The following STEEP1 variants were observed in gnomAD, a reference collection of about 807,000 sequenced individuals.
The protein encoded by STEEP1 is STING1 ER exit protein 1, also known as STING ER exit protein.
In STEEP1, 3 loss-of-function variants were observed where a neutral mutation model predicts 19.2. The observed-to-expected ratio is 0.16, with a 90% CI of 0.07 to 0.40. The LOEUF (loss-of-function observed/expected upper bound fraction) is 0.40. Among genes scored for constraint, STEEP1 ranks in the 10% least tolerant of loss-of-function variants. The pLI, the probability that STEEP1 is intolerant of heterozygous loss-of-function variation, is 0.99. For missense variants in STEEP1, 54 were observed against 177.1 expected (o/e 0.30, Z 3.94); for synonymous variants, 46 against 63.7 (o/e 0.72, Z 1.32).
intron 3 of STEEP1, 101 bp from the exon 4 acceptor site, chrX:119,544,592 G>A (rs1569398186): frequency 7.4e-6 from 6 of 809,447 alleles, no homozygotes; most frequent in Non-Finnish European, 8.9e-6. Flanking sequence ...TCTGTTTGTG[G>A]CATAAACTAA....
intron 2 of STEEP1, among the ~76,000 whole-genome samples, chrX:119,554,167 G>A (rs1716602475): frequency 8.9e-6 from 1 of 112,149 alleles, no homozygotes; most frequent in South Asian, 3.7e-4. Flanking sequence ...ATTCTCGGCC[G>A]GGCACGGTGG....
intron 2 of STEEP1, among the ~76,000 whole-genome samples, chrX:119,549,438 T>C (rs1264703606): frequency 8.9e-6 from 1 of 111,859 alleles, no homozygotes. Flanking sequence ...AATAGACACA[T>C]AGAAAAAGCA....
chrX:119,555,246 G>A (rs1285082774), intron 2 of STEEP1, among the ~76,000 whole-genome samples: 1 of 109,478 alleles, frequency 9.1e-6, no homozygotes, highest in East Asian at 2.9e-4. Flanking sequence ...ATAAATGTTT[G>A]TTCTTTAAAA....
At chrX:119,564,482 T>G (rs1603307337) in intron 1 of STEEP1, among the ~76,000 whole-genome samples, 8 of 62,323 alleles carry the variant, frequency 1.3e-4, no homozygotes, top group East Asian at 6.6e-4. Flanking sequence ...GGCAGCAGAG[T>G]GAGACTCCAT....
intron 2 of STEEP1, among the ~76,000 whole-genome samples, chrX:119,559,155 T>C (rs182501076): frequency 1.8e-5 from 2 of 109,152 alleles, no homozygotes; most frequent in African/African-American, 6.7e-5. Context: ...GAGGCGGAGG[T>C]TGCAGTGAGC....
At position 119,539,554 on chromosome X, in the gene STEEP1, AGC is replaced by A; in HGVS notation, c.*171_*172del. On this transcript the variant is annotated 3_prime_UTR_variant, in exon 7 of 7. Transcript: ENST00000644802. ...TCAAAAAAAAAAAAAAAAAAAAGAA[AGC>A]AAGTTAAATGGACTCAGTTAAAGAC... 5 of 370,052 alleles carry A rather than the reference AGC, an allele frequency of 1.4e-5. No individual in the cohort carries two copies. The highest frequency in any genetic ancestry group is 7.7e-4 in the Middle Eastern group (1 of 1,306). 30.5% of individuals were successfully genotyped at this position (370,052 alleles called of 1,213,427 possible).
At chrX:119,565,165 G>A in intron 1 of STEEP1, 67 bp downstream of exon 1, 2 of 1,137,232 alleles carry the variant, frequency 1.8e-6, no homozygotes. Flanking sequence ...ACAGCCAGAG[G>A]AAATTCGCCT....
intron 6 of STEEP1, 98 bp downstream of exon 6, chrX:119,541,230 C>T: frequency 1.8e-6 from 1 of 562,113 alleles, no homozygotes; most frequent in South Asian, 2.5e-5. Flanking sequence ...AACCTCCCAA[C>T]AGATTTCCTA....
At chrX:119,544,615 C>A in intron 3 of STEEP1, 124 bp from the exon 4 acceptor site, 2 of 651,791 alleles carry the variant, frequency 3.1e-6, no homozygotes, top group Non-Finnish European at 4.6e-6. Context: ...ACTGGCTCTT[C>A]TCAGTGTCTC....
At chrX:119,561,686 GA>G (rs752560353) in intron 1 of STEEP1, among the ~76,000 whole-genome samples, 2 of 101,018 alleles carry the variant, frequency 2.0e-5, no homozygotes, top group Non-Finnish European at 4.0e-5. Flanking sequence ...AAAAAAAAAA[GA>G]AAAAAAAAGA....
At chrX:119,542,692 A>T in intron 4 of STEEP1, 98 bp from the exon 5 acceptor site, 1 of 522,372 alleles carries the variant, frequency 1.9e-6, no homozygotes, top group Admixed American at 2.6e-5. Context: ...GGCTGTGGGT[A>T]TTGGGGGAAA....
intron 1 of STEEP1, among the ~76,000 whole-genome samples, chrX:119,562,784 G>T (rs933009348): frequency 3.6e-5 from 4 of 111,437 alleles, no homozygotes; most frequent in Admixed American, 2.9e-4. Context: ...TTTGGGTAAT[G>T]ATAAGTGCTA....
intron 2 of STEEP1, among the ~76,000 whole-genome samples, chrX:119,551,858 G>A (rs7065121): frequency 0.12 from 13,481 of 108,383 alleles, 1,381 homozygotes; most frequent in African/African-American, 0.34. Context: ...CCCCAAGACC[G>A]GCCACTAACC....
intron 2 of STEEP1, among the ~76,000 whole-genome samples, chrX:119,557,423 C>T (rs1569401274): frequency 1.0e-5 from 1 of 98,663 alleles, no homozygotes; most frequent in East Asian, 3.1e-4. Context: ...CATGGTGAAA[C>T]CCCATCTCTA....
At chrX:119,564,510 G>T (rs1051116816) in intron 1 of STEEP1, among the ~76,000 whole-genome samples, 1 of 97,070 alleles carries the variant, frequency 1.0e-5, no homozygotes, top group African/African-American at 3.7e-5. Flanking sequence ...AAAAGGGGGG[G>T]GGGAAATACG....
At chrX:119,560,197 A>C in intron 2 of STEEP1, 71 bp downstream of exon 2, 1 of 731,079 alleles carries the variant, frequency 1.4e-6, no homozygotes. Flanking sequence ...AATAGATGTG[A>C]TATTTATATT....
chrX:119,546,563 T>C (rs2053207306), intron 2 of STEEP1, among the ~76,000 whole-genome samples: 1 of 111,278 alleles, frequency 9.0e-6, no homozygotes, highest in Admixed American at 9.6e-5. Flanking sequence ...GAGTATTACA[T>C]GGCTTGCCCA....
At chrX:119,554,471 G>A (rs2053265181) in intron 2 of STEEP1, among the ~76,000 whole-genome samples, 1 of 111,261 alleles carries the variant, frequency 9.0e-6, no homozygotes, top group African/African-American at 3.3e-5. Context: ...CATTCTGGCT[G>A]TGGTAGCTAG....
At position 119,545,434 on chromosome X, in the gene STEEP1, T is replaced by C. The variant is rs146602854; in HGVS notation, c.284+29A>G. On this transcript the variant is annotated intron_variant, in intron 3 of 6. Transcript: ENST00000644802. ...ACATTATGCCTCTACTTGCCTATGC[T>C]TGGAGAAACCCACATTGTTAATACT... The C allele has an allele frequency of 2.0e-3, 2,119 of 1,079,447 alleles. 43 individuals are homozygous for C. In the East Asian group the frequency reaches 0.053, roughly 27 times the overall value. The allele number at this position is 1,079,447 out of a possible 1,213,427, so 89.0% of individuals were successfully genotyped here.
Sources: allele counts gnomAD v4.1 joint callset (sites outside exome capture counted in the v4.1 genomes callset), GRCh38; gene constraint gnomAD v4.1.1; transcripts MANE v1.5; gene names NCBI Gene and HGNC (gene_info 2026-07-23, HGNC 2026-07-21).